The following TEX9 variants were observed in gnomAD, a reference collection of about 807,000 sequenced individuals.
TEX9 encodes testis expressed 9, also known as testis-expressed protein 9.
In TEX9, 74 loss-of-function variants were observed where a neutral mutation model predicts 59.6. The observed-to-expected ratio is 1.24, with a 90% CI of 1.03 to 1.51. The LOEUF is 1.51. TEX9 is among the 40% of genes most tolerant of loss of function. TEX9 has a pLI of 0.00. For synonymous variants in TEX9, 186 were observed against 152.2 expected (o/e 1.22, Z -1.64); for missense variants, 522 against 447.8 (o/e 1.17, Z -1.49).
chr15:56,394,445 A>G, intron 8 of TEX9, 198 bp downstream of exon 8: 2 of 625,750 alleles, frequency 3.2e-6, no homozygotes, highest in South Asian at 4.9e-5. Context: ...TCTTGCTACA[A>G]TTAGAATTCT....
intron 1 of TEX9, among the ~76,000 whole-genome samples, chr15:56,316,222 G>T (rs1354694705): frequency 6.7e-6 from 1 of 150,276 alleles, no homozygotes; most frequent in African/African-American, 2.4e-5. Flanking sequence ...AGGAGGAGAG[G>T]TGCTCTGATT....
intron 9 of TEX9, chr15:56,396,541 T>C (rs1245104070): frequency 6.7e-6 from 1 of 150,068 alleles, no homozygotes; most frequent in East Asian, 2.0e-4. Context: ...ATAAATAGAA[T>C]CGCATTGGAT....
At chr15:56,440,267 C>G (rs77672459) in intron 12 of TEX9, among the ~76,000 whole-genome samples, 2,480 of 152,146 alleles carry the variant, frequency 0.016, 61 homozygotes, top group African/African-American at 0.056. Flanking sequence ...AATTGTTGAG[C>G]TTCTGAGGAC....
At chr15:56,409,291 A>T (rs2049233509) in intron 9 of TEX9, among the ~76,000 whole-genome samples, 1 of 152,122 alleles carries the variant, frequency 6.6e-6, no homozygotes, top group Non-Finnish European at 1.5e-5. Flanking sequence ...CTCAGAATAA[A>T]ATCCAAATTT....
intron 2 of TEX9, among the ~76,000 whole-genome samples, chr15:56,369,322 TGGG>T (rs1370893373): frequency 6.6e-6 from 1 of 151,372 alleles, no homozygotes; most frequent in African/African-American, 2.4e-5. Context: ...CCCGAGGAGC[TGGG>T]ACTACAGGCG....
intron 1 of TEX9, among the ~76,000 whole-genome samples, chr15:56,335,042 C>T (rs774686360): frequency 5.9e-5 from 9 of 152,094 alleles, no homozygotes; most frequent in Non-Finnish European, 1.3e-4. Context: ...AATCCTGGTA[C>T]ACTGTTGGTG....
chr15:56,256,138 A>G (rs2044140524), intron 1 of TEX9, among the ~76,000 whole-genome samples: 1 of 152,100 alleles, frequency 6.6e-6, no homozygotes, highest in South Asian at 2.1e-4. Flanking sequence ...ATTATTGAAC[A>G]TTGTTATACA....
intron 12 of TEX9, among the ~76,000 whole-genome samples, chr15:56,444,185 G>C (rs2050868076): frequency 6.6e-6 from 1 of 152,066 alleles, no homozygotes; most frequent in South Asian, 2.1e-4. Flanking sequence ...TCTGACATAT[G>C]ATATGGGCAT....
At chr15:56,422,252 A>T (rs964146942) in intron 10 of TEX9, among the ~76,000 whole-genome samples, 4 of 151,780 alleles carry the variant, frequency 2.6e-5, no homozygotes, top group African/African-American at 4.9e-5. Flanking sequence ...AAGTATAATT[A>T]AAAAAATAAT....
chr15:56,395,007 C>T (rs1431888277), intron 9 of TEX9, 173 bp downstream of exon 9: 1 of 658,150 alleles, frequency 1.5e-6, no homozygotes, highest in Non-Finnish European at 2.5e-6. Flanking sequence ...GTAATTCACC[C>T]TTTTAAAGTA....
rs962206795 is a variant in TEX9 at position 56,413,200 on chromosome 15, T to A, written c.963+764T>A. On this transcript the variant is annotated intron_variant, in intron 10 of 12. Transcript: ENST00000352903. Reference sequence around the variant, plus strand: ...AAATTCTATTTAATAATTAAATATTTAATATTTAATAATTAAATAATTTAA... The same window carrying A: ...AAATTCTATTTAATAATTAAATATTAAATATTTAATAATTAAATAATTTAA... Among the ~76,000 whole-genome samples, 69 of 146,276 alleles carry A rather than the reference T, an allele frequency of 4.7e-4. 2 individuals are homozygous for A. The highest frequency in any genetic ancestry group is 3.7e-3 in the Admixed American group (54 of 14,556).
intron 1 of TEX9, among the ~76,000 whole-genome samples, chr15:56,320,489 A>G (rs1596086941): frequency 1.5e-5 from 1 of 67,472 alleles, no homozygotes; most frequent in African/African-American, 3.3e-5. Flanking sequence ...ATAGAGGGAA[A>G]GAGAGAGATA....
At chr15:56,455,122 TA>T in the TEX9 span, among the ~76,000 whole-genome samples, 1 of 152,056 alleles carries the variant, frequency 6.6e-6, no homozygotes, top group Non-Finnish European at 1.5e-5. Context: ...ATGCTTTTCC[TA>T]GACTTTTTCT....
chr15:56,435,986 A>G (rs766914957), intron 12 of TEX9, among the ~76,000 whole-genome samples: 6 of 152,100 alleles, frequency 3.9e-5, no homozygotes, highest in Non-Finnish European at 7.4e-5. Flanking sequence ...GACTGGTTCA[A>G]TACTCAAAAA....
At chr15:56,325,846 A>T (rs1480596843) in intron 1 of TEX9, among the ~76,000 whole-genome samples, 1 of 152,208 alleles carries the variant, frequency 6.6e-6, no homozygotes, top group Non-Finnish European at 1.5e-5. Context: ...TTTAGTGATT[A>T]TCCAGAATCT....
At chr15:56,424,718 G>T (rs1333096576) in intron 10 of TEX9, among the ~76,000 whole-genome samples, 1 of 152,092 alleles carries the variant, frequency 6.6e-6, no homozygotes, top group African/African-American at 2.4e-5. Flanking sequence ...AAGATTTATA[G>T]TATTTTTTAT....
chr15:56,279,801 C>G (rs1406615620), intron 1 of TEX9, among the ~76,000 whole-genome samples: 8 of 152,162 alleles, frequency 5.3e-5, no homozygotes, highest in South Asian at 4.1e-4. Context: ...TAAAGTGAAG[C>G]AAACTACCCA....
At chr15:56,435,232 C>G (rs1369599305) in intron 12 of TEX9, among the ~76,000 whole-genome samples, 1 of 151,816 alleles carries the variant, frequency 6.6e-6, no homozygotes, top group African/African-American at 2.4e-5. Context: ...GGAAAAGTCT[C>G]AAATCGATAA....
At chr15:56,298,062 A>C (rs2045257862) in intron 1 of TEX9, among the ~76,000 whole-genome samples, 1 of 152,248 alleles carries the variant, frequency 6.6e-6, no homozygotes, top group Non-Finnish European at 1.5e-5. Context: ...AGTTATTTTA[A>C]TACCCCACCA....
Sources: allele counts gnomAD v4.1 joint callset (sites outside exome capture counted in the v4.1 genomes callset), GRCh38; gene constraint gnomAD v4.1.1; transcripts MANE v1.5; gene names NCBI Gene and HGNC (gene_info 2026-07-23, HGNC 2026-07-21).